CADM2: variants seen among roughly 807,000 people sequenced by gnomAD.
CADM2 encodes immunoglobulin superfamily member 4D.
A neutral mutation model predicts 49.8 loss-of-function variants in CADM2; 12 were observed. The ratio of observed to expected loss-of-function variants is 0.24; its 90% CI spans 0.15 to 0.39. The LOEUF is 0.39. Ranked by LOEUF, CADM2 falls within the 10% of genes least tolerant of loss-of-function variation. The pLI is 1.00. For synonymous variants in CADM2, 214 were observed against 175.4 expected, an observed-to-expected ratio of 1.22 and a Z score of -1.74; for missense variants, 378 against 492.3, an observed-to-expected ratio of 0.77 and a Z score of 2.20.
intron 8 of CADM2, chr3:85,979,400 A>C: frequency 8.3e-7 from 1 of 1,202,628 alleles, no homozygotes; most frequent in Non-Finnish European, 1.2e-6. Context: ...GAAGTAATTA[A>C]GTCACCTAAA....
chr3:85,408,777 C>G (rs532830057), intron 1 of CADM2, among the ~76,000 whole-genome samples: 1 of 152,198 alleles, frequency 6.6e-6, no homozygotes, highest in East Asian at 1.9e-4. Context: ...TTTGAAAACT[C>G]CTTGAAGAAG....
chr3:85,706,398 C>T (rs1266645460), intron 1 of CADM2, among the ~76,000 whole-genome samples: 3 of 152,152 alleles, frequency 2.0e-5, no homozygotes, highest in Non-Finnish European at 4.4e-5. Flanking sequence ...TCTACATCTG[C>T]CCTTGTCGAT....
At chr3:84,987,601 T>C (rs1694977) in intron 1 of CADM2, among the ~76,000 whole-genome samples, 109,612 of 151,968 alleles carry the variant, frequency 0.72, 40,603 homozygotes, top group African/African-American at 0.88. Context: ...ACATAATCTA[T>C]TCAAATTTGA....
intron 1 of CADM2, among the ~76,000 whole-genome samples, chr3:85,480,461 A>G (rs1292636084): frequency 6.6e-6 from 1 of 151,824 alleles, no homozygotes; most frequent in Non-Finnish European, 1.5e-5. Context: ...CTTGCCTCAT[A>G]TTTGCGTGAC....
intron 4 of CADM2, among the ~76,000 whole-genome samples, chr3:85,884,925 G>A (rs1256656270): frequency 2.7e-5 from 4 of 149,100 alleles, no homozygotes; most frequent in South Asian, 2.1e-4. Flanking sequence ...TAGTAGAGAC[G>A]GGGTTTCACC....
At chr3:85,422,676 A>G (rs988582842) in intron 1 of CADM2, among the ~76,000 whole-genome samples, 5 of 152,118 alleles carry the variant, frequency 3.3e-5, no homozygotes, top group African/African-American at 9.7e-5. Context: ...GCGTATATGT[A>G]TATATTTTAG....
At chr3:85,962,666 T>G (rs972563729) in intron 8 of CADM2, among the ~76,000 whole-genome samples, 3 of 151,970 alleles carry the variant, frequency 2.0e-5, no homozygotes, top group African/African-American at 7.2e-5. Context: ...TTAGTCAGGT[T>G]TCTTTACTAC....
At chr3:86,050,324 C>T (rs1391988490) in intron 8 of CADM2, among the ~76,000 whole-genome samples, 1 of 152,206 alleles carries the variant, frequency 6.6e-6, no homozygotes, top group Non-Finnish European at 1.5e-5. Flanking sequence ...CGAGCAGCTC[C>T]ATTCCTGTGA....
intron 1 of CADM2, among the ~76,000 whole-genome samples, chr3:85,031,713 G>C (rs1037279879): frequency 1.3e-5 from 2 of 151,784 alleles, no homozygotes; most frequent in African/African-American, 2.4e-5. Context: ...GTAGATACGG[G>C]GTTTCACAGT....
chr3:85,691,878 A>G (rs1213590515), intron 1 of CADM2, among the ~76,000 whole-genome samples: 5 of 152,174 alleles, frequency 3.3e-5, no homozygotes, highest in Non-Finnish European at 7.3e-5. Flanking sequence ...TGCAAGGACA[A>G]AAAACCAAAC....
intron 1 of CADM2, among the ~76,000 whole-genome samples, chr3:85,636,924 C>T (rs2064505734): frequency 6.6e-6 from 1 of 152,086 alleles, no homozygotes; most frequent in African/African-American, 2.4e-5. Context: ...CAACAAAATG[C>T]TTGTCTCAGA....
At chr3:85,621,923 T>C (rs896393975) in intron 1 of CADM2, among the ~76,000 whole-genome samples, 6 of 152,178 alleles carry the variant, frequency 3.9e-5, no homozygotes, top group African/African-American at 1.4e-4. Flanking sequence ...CATAAAATAA[T>C]TCCCCGCTTG....
At chr3:86,012,890 G>A (rs1217057638) in intron 8 of CADM2, 5 of 573,108 alleles carry the variant, frequency 8.7e-6, no homozygotes, top group East Asian at 3.4e-5. Flanking sequence ...CAGGAGAATG[G>A]CGTGAACCCG....
At chr3:85,760,767 C>A (rs556937634) in intron 2 of CADM2, among the ~76,000 whole-genome samples, 79 of 152,142 alleles carry the variant, frequency 5.2e-4, no homozygotes, top group African/African-American at 1.7e-3. Context: ...ATATTGAAAT[C>A]AATTTTCTTA....
At chr3:85,298,670 G>T (rs1277139629) in intron 1 of CADM2, among the ~76,000 whole-genome samples, 1 of 152,020 alleles carries the variant, frequency 6.6e-6, no homozygotes, top group Non-Finnish European at 1.5e-5. Context: ...GAAAATGTTT[G>T]TTGAATAAGC....
chr3:85,108,813 A>G (rs2038346591), intron 1 of CADM2, among the ~76,000 whole-genome samples: 1 of 152,170 alleles, frequency 6.6e-6, no homozygotes, highest in Non-Finnish European at 1.5e-5. Flanking sequence ...GTTAAGGAGT[A>G]TTAAAACAAA....
chr3:85,408,845 A>T (rs1460278454), intron 1 of CADM2, among the ~76,000 whole-genome samples: 3 of 152,190 alleles, frequency 2.0e-5, no homozygotes, highest in Admixed American at 6.5e-5. Flanking sequence ...AAATACAATA[A>T]TCTTTCCATA....
intron 1 of CADM2, among the ~76,000 whole-genome samples, chr3:85,422,872 C>T (rs1020164045): frequency 1.3e-5 from 2 of 151,958 alleles, no homozygotes; most frequent in African/African-American, 4.8e-5. Flanking sequence ...TGTTACAATG[C>T]TCTTTTAGCC....
At chr3:85,495,830 C>T (rs1009226931) in intron 1 of CADM2, among the ~76,000 whole-genome samples, 3 of 151,920 alleles carry the variant, frequency 2.0e-5, no homozygotes, top group South Asian at 2.1e-4. Context: ...CTGCAAAGAC[C>T]GCACAAGCCA....
Sources: allele counts gnomAD v4.1 joint callset (sites outside exome capture counted in the v4.1 genomes callset), GRCh38; gene constraint gnomAD v4.1.1; transcripts MANE v1.5; gene names NCBI Gene and HGNC (gene_info 2026-07-23, HGNC 2026-07-21).